The following TAOK1 variants were observed in gnomAD, a reference collection of about 807,000 sequenced individuals.
TAOK1 encodes the protein TAO kinase 1.
In TAOK1, 21 loss-of-function variants were observed where a neutral mutation model predicts 138.3. That is an observed-to-expected ratio of 0.15 (90% confidence interval 0.11 to 0.22). TAOK1 has a LOEUF of 0.22. Among genes scored for constraint, TAOK1 ranks in the 10% least tolerant of loss-of-function variants. The probability of loss-of-function intolerance (pLI) is 1.00; values close to 1 mark genes in which losing one functional copy is unlikely to be tolerated. For synonymous variants in TAOK1, 361 were observed against 398.4 expected (o/e 0.91, Z 1.12); for missense variants, 651 against 1,227.7 (o/e 0.53, Z 7.02).
At chr17:29,460,975 C>T (rs2030517056) in intron 2 of TAOK1, among the ~76,000 whole-genome samples, 1 of 152,170 alleles carries the variant, frequency 6.6e-6, no homozygotes, top group Non-Finnish European at 1.5e-5. Flanking sequence ...AAGTGATTCT[C>T]TGTTGTTTGC....
intron 1 of TAOK1, among the ~76,000 whole-genome samples, chr17:29,402,505 A>C (rs768778838): frequency 2.8e-4 from 43 of 152,046 alleles, no homozygotes; most frequent in Non-Finnish European, 5.3e-4. Context: ...AGGTTTTGTC[A>C]CATTGCCCAA....
chr17:29,514,314 A>G (rs1406699691), intron 15 of TAOK1: 1 of 152,162 alleles, frequency 6.6e-6, no homozygotes, highest in African/African-American at 2.4e-5. Context: ...AAATGATCCT[A>G]TACTAAGAAA....
chr17:29,513,251 C>T (rs1173540629), intron 15 of TAOK1: 1 of 152,038 alleles, frequency 6.6e-6, no homozygotes. Context: ...CAAAGACTTG[C>T]TCTATACCTT....
chr17:29,495,369 AAG>A (rs893625843), intron 10 of TAOK1, among the ~76,000 whole-genome samples, 189 bp from the exon 11 acceptor site: 3 of 152,204 alleles, frequency 2.0e-5, no homozygotes, highest in African/African-American at 7.2e-5. Flanking sequence ...AATAAAGAAA[AAG>A]AATAGTTATG....
chr17:29,458,056 G>T (rs1297786639), intron 2 of TAOK1, among the ~76,000 whole-genome samples: 2 of 151,930 alleles, frequency 1.3e-5, no homozygotes, highest in Non-Finnish European at 2.9e-5. Context: ...CTTGCAGTGA[G>T]CCGAGATTGC....
chr17:29,507,786 T>A, intron 13 of TAOK1, 110 bp from the exon 14 acceptor site: 1 of 962,300 alleles, frequency 1.0e-6, no homozygotes, highest in Non-Finnish European at 1.5e-6. Flanking sequence ...CTGCTAACAT[T>A]GGGATATTTT....
chr17:29,443,109 ACTAAATTGG>A (rs2029989053), intron 1 of TAOK1, among the ~76,000 whole-genome samples: 1 of 152,166 alleles, frequency 6.6e-6, no homozygotes, highest in African/African-American at 2.4e-5. Flanking sequence ...TGCACATTTT[ACTAAATTGG>A]CTGTTTTCTA....
chr17:29,467,016 T>C (rs933344156), intron 2 of TAOK1, 129 bp from the exon 3 acceptor site: 8 of 503,410 alleles, frequency 1.6e-5, no homozygotes, highest in Non-Finnish European at 2.7e-5. Flanking sequence ...TTTAAAATTT[T>C]CTTTAAAAGT....
At chr17:29,513,393 C>CA (rs2031758525) in intron 15 of TAOK1, 1 of 152,096 alleles carries the variant, frequency 6.6e-6, no homozygotes, top group Non-Finnish European at 1.5e-5. Context: ...ATAGAGTTTC[C>CA]AACTATAAAT....
At chr17:29,505,253 A>C (rs1056401538) in intron 13 of TAOK1, among the ~76,000 whole-genome samples, 1 of 152,172 alleles carries the variant, frequency 6.6e-6, no homozygotes, top group African/African-American at 2.4e-5. Flanking sequence ...AATAAAATGC[A>C]CAGATCTTAG....
At chr17:29,490,115 C>G (rs567225079) in intron 9 of TAOK1, among the ~76,000 whole-genome samples, 21 of 104,504 alleles carry the variant, frequency 2.0e-4, no homozygotes, top group African/African-American at 7.9e-4. Flanking sequence ...ATTATTACAA[C>G]CTATAGTGAT....
intron 1 of TAOK1, among the ~76,000 whole-genome samples, chr17:29,432,518 G>A (rs1301264865): frequency 6.6e-6 from 1 of 152,246 alleles, no homozygotes; most frequent in Non-Finnish European, 1.5e-5. Context: ...GTTCCCAACA[G>A]ATGGGGTTTC....
At chr17:29,444,349 G>A (rs768472372) in intron 1 of TAOK1, among the ~76,000 whole-genome samples, 2 of 152,236 alleles carry the variant, frequency 1.3e-5, no homozygotes, top group Admixed American at 1.3e-4. Context: ...ATTCTGAATA[G>A]GTGCAGGGTA....
chr17:29,427,640 T>G (rs1905685665), intron 1 of TAOK1, among the ~76,000 whole-genome samples: 1 of 149,970 alleles, frequency 6.7e-6, no homozygotes, highest in Admixed American at 6.7e-5. Flanking sequence ...CTTAAGAATT[T>G]TCTTGGCCAG....
At chr17:29,509,382 A>G (rs1222582767) in intron 14 of TAOK1, among the ~76,000 whole-genome samples, 1 of 151,888 alleles carries the variant, frequency 6.6e-6, no homozygotes, top group African/African-American at 2.4e-5. Context: ...TTTTTATTTT[A>G]GTAGAAAAGG....
intron 1 of TAOK1, among the ~76,000 whole-genome samples, chr17:29,391,300 T>A (rs965586974): frequency 6.6e-6 from 1 of 152,132 alleles, no homozygotes; most frequent in African/African-American, 2.4e-5. Flanking sequence ...ACAGGGAGAC[T>A]GGGTTGATGT....
At chr17:29,499,486 C>T (rs1370491448) in intron 12 of TAOK1, among the ~76,000 whole-genome samples, 1 of 151,896 alleles carries the variant, frequency 6.6e-6, no homozygotes, top group Non-Finnish European at 1.5e-5. Context: ...CCTGCCTCAG[C>T]CTCCCAAAGT....
intron 9 of TAOK1, among the ~76,000 whole-genome samples, chr17:29,491,433 G>T (rs555728130): frequency 5.9e-5 from 9 of 151,976 alleles, no homozygotes; most frequent in African/African-American, 2.2e-4. Context: ...TATAAGAAAG[G>T]CTTAGCAAAA....
chr17:29,409,331 A>AT (rs1186189891), intron 1 of TAOK1, among the ~76,000 whole-genome samples: 198 of 60,286 alleles, frequency 3.3e-3, no homozygotes, highest in Non-Finnish European at 4.9e-3. Flanking sequence ...ATATATATAT[A>AT]TATTTTTTTT....
Sources: allele counts gnomAD v4.1 joint callset (sites outside exome capture counted in the v4.1 genomes callset), GRCh38; gene constraint gnomAD v4.1.1; transcripts MANE v1.5; gene names NCBI Gene and HGNC (gene_info 2026-07-23, HGNC 2026-07-21).